The following MACROD2 variants were observed in gnomAD, a reference collection of about 807,000 sequenced individuals.
MACROD2 encodes ADP-ribose glycohydrolase MACROD2.
Under a neutral mutation model 70.4 loss-of-function variants are expected in MACROD2, and 36 were observed. That is an observed-to-expected ratio of 0.51 (90% CI 0.39 to 0.68). The LOEUF is 0.68. Ranked by LOEUF, MACROD2 falls within the 30% of genes least tolerant of loss-of-function variation. The probability of loss-of-function intolerance (pLI) is 0.00; values close to 1 mark genes in which losing one functional copy is unlikely to be tolerated. For synonymous variants in MACROD2, 172 were observed against 178.8 expected (o/e 0.96, Z 0.30); for missense variants, 496 against 538.4 (o/e 0.92, Z 0.78).
rs538613333 is a variant in MACROD2, at chr20:14,102,073, G to A, written c.271+16345G>A. On this transcript the variant is annotated intron_variant, in intron 3 of 17. Coordinates refer to ENST00000684519, the MANE Select transcript of MACROD2 (RefSeq NM_001351661.2). ...GGCTGGAGTGCAGTGGCATGATCTC[G>A]GCTCACTGCAACCTCCGCCTCCCAG... Among the ~76,000 whole-genome samples the A allele has an allele frequency of 1.1e-4, 15 of 140,562 alleles. No homozygotes were observed. The Middle Eastern group carries it at 0.012, about 110-fold the overall frequency. The allele number at this position is 140,562 out of a possible 152,430, so 92.2% of individuals were successfully genotyped here. A position where few individuals can be genotyped will look rare whatever the true frequency, so the allele number is the denominator to read the frequency against.
At chr20:14,429,080 A>G (rs534181863) in intron 3 of MACROD2, among the ~76,000 whole-genome samples, 17 of 152,286 alleles carry the variant, frequency 1.1e-4, no homozygotes, top group African/African-American at 3.8e-4. Context: ...CTCTTGGTCT[A>G]TTGTTAATGA....
chr20:14,305,670 T>G (rs571568224), intron 3 of MACROD2, among the ~76,000 whole-genome samples: 98 of 152,238 alleles, frequency 6.4e-4, no homozygotes, highest in African/African-American at 2.2e-3. Context: ...CAAATAAATT[T>G]TCTTTTTCAC....
chr20:15,426,598 G>A (rs2046301427), intron 6 of MACROD2, among the ~76,000 whole-genome samples: 3 of 152,026 alleles, frequency 2.0e-5, no homozygotes, highest in African/African-American at 4.8e-5. Context: ...TGTCTGCCTC[G>A]GCCTCAAATG....
intron 3 of MACROD2, among the ~76,000 whole-genome samples, chr20:14,291,254 A>C (rs1411666852): frequency 6.6e-6 from 1 of 152,226 alleles, no homozygotes; most frequent in Non-Finnish European, 1.5e-5. Flanking sequence ...TTTAGTAGAG[A>C]TTATGTGAAT....
intron 4 of MACROD2, among the ~76,000 whole-genome samples, chr20:14,564,177 T>C (rs930880151): frequency 2.6e-5 from 4 of 151,864 alleles, no homozygotes; most frequent in African/African-American, 9.7e-5. Flanking sequence ...TATCTTGTAC[T>C]GTATATAAAA....
At chr20:14,588,008 A>G (rs1017938716) in intron 4 of MACROD2, among the ~76,000 whole-genome samples, 1 of 152,092 alleles carries the variant, frequency 6.6e-6, no homozygotes, top group Non-Finnish European at 1.5e-5. Flanking sequence ...CTATTTTCCA[A>G]TGTTATCTGT....
chr20:14,253,769 G>A (rs916530732), intron 3 of MACROD2, among the ~76,000 whole-genome samples: 6 of 152,016 alleles, frequency 3.9e-5, no homozygotes, highest in Non-Finnish European at 8.8e-5. Context: ...GTACATCTTT[G>A]AACTTCATAG....
chr20:15,736,002 T>C (rs2051015459), intron 8 of MACROD2, among the ~76,000 whole-genome samples: 1 of 152,278 alleles, frequency 6.6e-6, no homozygotes, highest in Admixed American at 6.5e-5. Context: ...TACGGCATCA[T>C]GGTAGAGAGA....
chr20:14,477,023 C>T (rs774093476), intron 3 of MACROD2, among the ~76,000 whole-genome samples: 11 of 152,130 alleles, frequency 7.2e-5, no homozygotes, highest in Non-Finnish European at 1.5e-4. Context: ...AGAGTATTGA[C>T]TACTAGGCAG....
intron 5 of MACROD2, among the ~76,000 whole-genome samples, chr20:14,912,064 C>T (rs567286261): frequency 3.9e-5 from 6 of 152,232 alleles, no homozygotes; most frequent in Admixed American, 2.0e-4. Context: ...TAACCTACAG[C>T]GTGCTACAGG....
chr20:15,940,636 C>A (rs2065738336), intron 12 of MACROD2, among the ~76,000 whole-genome samples: 1 of 152,188 alleles, frequency 6.6e-6, no homozygotes, highest in Admixed American at 6.5e-5. Context: ...AGAAAGATTA[C>A]AAGTTGCTGA....
intron 8 of MACROD2, among the ~76,000 whole-genome samples, chr20:15,785,944 G>T (rs1183856543): frequency 6.6e-6 from 1 of 151,982 alleles, no homozygotes; most frequent in Non-Finnish European, 1.5e-5. Context: ...AGAGACACAG[G>T]AATATTTTAT....
intron 3 of MACROD2, among the ~76,000 whole-genome samples, chr20:14,110,457 G>A (rs2054434367): frequency 6.6e-6 from 1 of 151,650 alleles, no homozygotes; most frequent in African/African-American, 2.4e-5. Context: ...CTTTTCAGAT[G>A]GTATGATCTT....
intron 3 of MACROD2, among the ~76,000 whole-genome samples, chr20:14,442,517 T>C (rs2084135033): frequency 6.6e-6 from 1 of 152,126 alleles, no homozygotes; most frequent in Non-Finnish European, 1.5e-5. Flanking sequence ...GAGATATTTA[T>C]TGGAATAATA....
intron 15 of MACROD2, among the ~76,000 whole-genome samples, chr20:16,013,679 C>T (rs1374923810): frequency 2.0e-5 from 3 of 152,140 alleles, no homozygotes; most frequent in Admixed American, 2.0e-4. Context: ...CACAGTGTTG[C>T]TATATTTATT....
intron 2 of MACROD2, among the ~76,000 whole-genome samples, chr20:14,067,974 A>G (rs796343440): frequency 2.0e-5 from 3 of 152,332 alleles, no homozygotes; most frequent in African/African-American, 7.2e-5. Flanking sequence ...GGTTATAACC[A>G]TTCAAAATAT....
intron 3 of MACROD2, among the ~76,000 whole-genome samples, chr20:14,300,664 A>G (rs2082466938): frequency 6.6e-6 from 1 of 152,218 alleles, no homozygotes; most frequent in South Asian, 2.1e-4. Context: ...GCTTCGGACT[A>G]CATTTTTGGA....
chr20:14,165,002 G>A (rs979092223), intron 3 of MACROD2, among the ~76,000 whole-genome samples: 5 of 152,176 alleles, frequency 3.3e-5, no homozygotes, highest in African/African-American at 1.2e-4. Flanking sequence ...TGCTGCCAGT[G>A]GCTCCTGCAT....
intron 8 of MACROD2, among the ~76,000 whole-genome samples, chr20:15,521,175 G>A (rs1410491012): frequency 1.3e-5 from 2 of 152,144 alleles, no homozygotes; most frequent in African/African-American, 4.8e-5. Context: ...CTTGAAGCAC[G>A]AGGTGAAGAA....
Sources: allele counts gnomAD v4.1 joint callset (sites outside exome capture counted in the v4.1 genomes callset), GRCh38; gene constraint gnomAD v4.1.1; transcripts MANE v1.5; gene names NCBI Gene and HGNC (gene_info 2026-07-23, HGNC 2026-07-21).